Variants in MDGA2 observed in about 807,000 individuals in gnomAD.
MDGA2 encodes MAM domain-containing glycosylphosphatidylinositol anchor protein 2.
A neutral mutation model predicts 117.8 loss-of-function variants in MDGA2; 40 were observed. The observed-to-expected ratio is 0.34, with a 90% CI of 0.26 to 0.44. The LOEUF (loss-of-function observed/expected upper bound fraction) is 0.44, where lower values mean the gene tolerates loss of function less well. Among genes scored for constraint, MDGA2 ranks in the 20% least tolerant of loss-of-function variants. MDGA2 has a pLI of 1.00. For missense variants in MDGA2, 1,123 were observed against 1,250.6 expected (o/e 0.90, Z 1.54); for synonymous variants, 452 against 439.0 (o/e 1.03, Z -0.37).
chr14:46,930,308 A>G (rs994646009), intron 9 of MDGA2, among the ~76,000 whole-genome samples: 1 of 152,170 alleles, frequency 6.6e-6, no homozygotes, highest in Admixed American at 6.5e-5. Flanking sequence ...ATTTCTCTAG[A>G]ACAAATTAAA....
chr14:46,977,201 A>G (rs374144321), intron 8 of MDGA2, among the ~76,000 whole-genome samples: 4 of 151,972 alleles, frequency 2.6e-5, no homozygotes, highest in Middle Eastern at 3.4e-3. Flanking sequence ...GAAATTTCAT[A>G]TCAGAAAAAA....
chr14:47,204,858 G>T (rs1351020429), intron 3 of MDGA2, among the ~76,000 whole-genome samples: 1 of 151,770 alleles, frequency 6.6e-6, no homozygotes, highest in African/African-American at 2.4e-5. Flanking sequence ...ACCAATTGTG[G>T]GTACACAGTT....
chr14:47,010,478 ATAAAG>A (rs1341427935), intron 8 of MDGA2, among the ~76,000 whole-genome samples: 4 of 152,190 alleles, frequency 2.6e-5, no homozygotes, highest in South Asian at 2.1e-4. Context: ...ACATATTCCA[ATAAAG>A]TAATCATTTT....
At chr14:47,650,277 T>C (rs1897614925) in intron 1 of MDGA2, among the ~76,000 whole-genome samples, 2 of 152,196 alleles carry the variant, frequency 1.3e-5, no homozygotes, top group South Asian at 4.1e-4. Context: ...GTCTCCACTT[T>C]GCCAGCTGCA....
At chr14:47,228,464 GTAGA>G (rs1886582507) in intron 2 of MDGA2, among the ~76,000 whole-genome samples, 1 of 152,118 alleles carries the variant, frequency 6.6e-6, no homozygotes. Flanking sequence ...ATAAATTACA[GTAGA>G]TACTCAACAC....
At chr14:47,316,271 ATAT>A (rs1352879345) in intron 1 of MDGA2, among the ~76,000 whole-genome samples, 1 of 152,126 alleles carries the variant, frequency 6.6e-6, no homozygotes, top group Non-Finnish European at 1.5e-5. Flanking sequence ...GTGAAAAGTA[ATAT>A]TATTGCTCAT....
chr14:47,342,477 C>T (rs1566746948), intron 1 of MDGA2, among the ~76,000 whole-genome samples: 1 of 151,984 alleles, frequency 6.6e-6, no homozygotes, highest in East Asian at 1.9e-4. Flanking sequence ...TATTTCACAA[C>T]CCACGTTCTT....
intron 1 of MDGA2, among the ~76,000 whole-genome samples, chr14:47,529,157 C>T (rs1895039218): frequency 1.3e-5 from 2 of 152,018 alleles, no homozygotes; most frequent in South Asian, 4.1e-4. Flanking sequence ...CGCCACCACA[C>T]CTGGCTAATT....
At chr14:47,527,229 ACTTTAAAG>A (rs1179746336) in intron 1 of MDGA2, among the ~76,000 whole-genome samples, 2 of 152,200 alleles carry the variant, frequency 1.3e-5, no homozygotes, top group Admixed American at 1.3e-4. Flanking sequence ...TTTACTTCTG[ACTTTAAAG>A]CTAATTCACA....
chr14:47,509,081 C>T (rs1415453608), intron 1 of MDGA2, among the ~76,000 whole-genome samples: 3 of 152,222 alleles, frequency 2.0e-5, no homozygotes, highest in African/African-American at 4.8e-5. Context: ...GGTTACTCAA[C>T]GTTCACACAC....
At chr14:47,522,194 G>A (rs547760947) in intron 1 of MDGA2, among the ~76,000 whole-genome samples, 33 of 152,046 alleles carry the variant, frequency 2.2e-4, no homozygotes, top group Non-Finnish European at 4.3e-4. Flanking sequence ...ATACAGGTAT[G>A]CCAATGATTT....
rs534687687 is a variant in MDGA2, at chr14:47,535,600, T to A, written c.280+138917A>T. Among the ~76,000 whole-genome samples the A allele has an allele frequency of 6.1e-4, 93 of 152,264 alleles. 1 individual carries two copies. Among genetic ancestry groups the A allele is most frequent in the African/African-American group, 2.1e-3 (89 of 41,562 alleles). On this transcript the variant is annotated intron_variant, in intron 1 of 16. Transcript: ENST00000399232. ...TGAGTCGGGAAGGAGTGCATTTCAA[T>A]AATAAAGTGACAGGCTAAAAATAGA...
chr14:47,457,474 G>A (rs1893379484), intron 1 of MDGA2, among the ~76,000 whole-genome samples: 1 of 152,100 alleles, frequency 6.6e-6, no homozygotes, highest in African/African-American at 2.4e-5. Context: ...GACGCTATGT[G>A]GTAAGCCATT....
chr14:47,033,448 G>C (rs1212302126), intron 8 of MDGA2, among the ~76,000 whole-genome samples: 1 of 152,176 alleles, frequency 6.6e-6, no homozygotes, highest in African/African-American at 2.4e-5. Flanking sequence ...TTACCAACAA[G>C]ATTGAAGTGT....
intron 2 of MDGA2, among the ~76,000 whole-genome samples, chr14:47,257,325 G>C (rs1478213246): frequency 6.6e-6 from 1 of 151,938 alleles, no homozygotes; most frequent in Non-Finnish European, 1.5e-5. Flanking sequence ...CCTTTCCCTT[G>C]CTGTTTTCTC....
intron 1 of MDGA2, among the ~76,000 whole-genome samples, chr14:47,427,165 C>T (rs1892708040): frequency 1.3e-5 from 2 of 152,090 alleles, no homozygotes; most frequent in Non-Finnish European, 2.9e-5. Context: ...AATAAAATGG[C>T]ATACAAGGCC....
At chr14:47,505,971 G>C (rs906139812) in intron 1 of MDGA2, among the ~76,000 whole-genome samples, 15 of 152,070 alleles carry the variant, frequency 9.9e-5, no homozygotes, top group African/African-American at 3.6e-4. Flanking sequence ...ATTATGAATA[G>C]GACACAGGTC....
At chr14:47,563,619 A>AT (rs1321661868) in intron 1 of MDGA2, among the ~76,000 whole-genome samples, 33 of 25,126 alleles carry the variant, frequency 1.3e-3, no homozygotes, top group Middle Eastern at 0.036. Context: ...TGCTTGGTAG[A>AT]TTTTTTTTTT....
At chr14:46,870,275 A>T (rs942673759) in intron 14 of MDGA2, among the ~76,000 whole-genome samples, 1 of 151,970 alleles carries the variant, frequency 6.6e-6, no homozygotes, top group Non-Finnish European at 1.5e-5. Context: ...CACAGTTAAA[A>T]GTTCAAGATT....
Sources: allele counts gnomAD v4.1 joint callset (sites outside exome capture counted in the v4.1 genomes callset), GRCh38; gene constraint gnomAD v4.1.1; transcripts MANE v1.5; gene names NCBI Gene and HGNC (gene_info 2026-07-23, HGNC 2026-07-21).